Variants in PPIG observed in about 807,000 individuals in gnomAD.
PPIG encodes the protein peptidylprolyl isomerase G, also known as peptidyl-prolyl cis-trans isomerase G.
In PPIG, 26 loss-of-function variants were observed where a neutral mutation model predicts 87.9. That is an observed-to-expected ratio of 0.30 (90% CI 0.22 to 0.41). The LOEUF is 0.41. Ranked by LOEUF, PPIG falls within the 10% of genes least tolerant of loss-of-function variation. The pLI is 1.00. For missense variants in PPIG, 722 were observed against 879.4 expected (o/e 0.82, Z 2.26); for synonymous variants, 308 against 276.5 (o/e 1.11, Z -1.13).
At chr2:169,611,766 A>G (rs1685495085) in intron 7 of PPIG, among the ~76,000 whole-genome samples, 1 of 152,150 alleles carries the variant, frequency 6.6e-6, no homozygotes, top group Admixed American at 6.5e-5. Flanking sequence ...TCATATATAT[A>G]TTCTCAGAAT....
intron 9 of PPIG, among the ~76,000 whole-genome samples, chr2:169,624,071 A>G (rs1383025116): frequency 1.3e-5 from 2 of 152,108 alleles, no homozygotes; most frequent in African/African-American, 4.8e-5. Context: ...GGTTCAGTCA[A>G]TTCTCCCACC....
chr2:169,613,755 G>C (rs984286126), intron 7 of PPIG, among the ~76,000 whole-genome samples: 2 of 151,950 alleles, frequency 1.3e-5, no homozygotes, highest in Non-Finnish European at 2.9e-5. Flanking sequence ...AGTGAGACCT[G>C]TCTCTACAAA....
intron 4 of PPIG, among the ~76,000 whole-genome samples, chr2:169,605,050 T>G (rs553653496): frequency 2.6e-5 from 4 of 151,412 alleles, no homozygotes; most frequent in Non-Finnish European, 5.9e-5. Context: ...ATGCAAATAA[T>G]CGGCCAGGCG....
intron 6 of PPIG, 122 bp downstream of exon 6, chr2:169,607,270 A>C: frequency 1.8e-6 from 1 of 566,538 alleles, no homozygotes; most frequent in East Asian, 3.4e-5. Flanking sequence ...CCTTCAACTA[A>C]TCTGAAGGTT....
chr2:169,584,670 CA>C (rs948123564), intron 1 of PPIG, 180 bp downstream of exon 1: 1 of 361,564 alleles, frequency 2.8e-6, no homozygotes, highest in Non-Finnish European at 5.3e-6. Context: ...AGGACCGCAG[CA>C]GTGCCTTTGC....
chr2:169,613,440 C>T (rs1685541484), intron 7 of PPIG, among the ~76,000 whole-genome samples: 1 of 151,984 alleles, frequency 6.6e-6, no homozygotes, highest in Non-Finnish European at 1.5e-5. Context: ...AATAAAAAAT[C>T]TTATAAAATG....
intron 1 of PPIG, among the ~76,000 whole-genome samples, chr2:169,602,943 A>G (rs1685224931): frequency 6.6e-6 from 1 of 152,192 alleles, no homozygotes; most frequent in Admixed American, 6.6e-5. Context: ...TTTTGAAGCT[A>G]GAGCCAAATT....
chr2:169,604,135 G>C (rs1386913133), intron 3 of PPIG, 33 bp downstream of exon 3: 3 of 1,606,764 alleles, frequency 1.9e-6, no homozygotes, highest in South Asian at 1.1e-5. Flanking sequence ...ATAAATGGGT[G>C]TTTAATATTT....
At chr2:169,604,521 TTTCTC>T (rs1272499011) in intron 4 of PPIG, among the ~76,000 whole-genome samples, 1 of 151,970 alleles carries the variant, frequency 6.6e-6, no homozygotes, top group Non-Finnish European at 1.5e-5. Context: ...GCATATTACT[TTTCTC>T]TTAACATGAA....
At chr2:169,624,586 G>A (rs563911837) in intron 9 of PPIG, among the ~76,000 whole-genome samples, 1 of 151,986 alleles carries the variant, frequency 6.6e-6, no homozygotes, top group South Asian at 2.1e-4. Flanking sequence ...TAGGAAGTAG[G>A]GTTTTGTTTG....
intron 9 of PPIG, among the ~76,000 whole-genome samples, chr2:169,629,457 C>G (rs1685980299): frequency 6.6e-6 from 1 of 152,202 alleles, no homozygotes; most frequent in African/African-American, 2.4e-5. Context: ...AAATGAAGTT[C>G]AGACATTGAA....
intron 7 of PPIG, among the ~76,000 whole-genome samples, chr2:169,612,090 C>T (rs13417097): frequency 0.016 from 2,430 of 152,170 alleles, 68 homozygotes; most frequent in African/African-American, 0.056. Context: ...ATCCTACCGC[C>T]TCAGCCTCCC....
At chr2:169,592,146 A>G (rs1684881781) in intron 1 of PPIG, among the ~76,000 whole-genome samples, 1 of 148,990 alleles carries the variant, frequency 6.7e-6, no homozygotes, top group Non-Finnish European at 1.5e-5. Context: ...CAGGCTGGTC[A>G]TGGATATTTT....
At chr2:169,621,191 A>G (rs756434263) in intron 9 of PPIG, among the ~76,000 whole-genome samples, 13 of 152,124 alleles carry the variant, frequency 8.5e-5, no homozygotes, top group Non-Finnish European at 1.6e-4. Context: ...CCTTCTAGGT[A>G]CACTGATTTC....
At position 169,606,031 on chromosome 2, in the gene PPIG, C is replaced by T; in HGVS notation, c.137-8C>T. ...TCTATTAAATGTCCTATTTTTTTAT[C>T]TCTATAGGTGAAAAGGGGACCGGGA... On this transcript the variant is annotated splice_region_variant and splice_polypyrimidine_tract_variant and intron_variant, in intron 4 of 13. Transcript: ENST00000260970. 6.3e-7 allele frequency: 1 copy of T among 1,577,554 alleles called. No individual in the cohort carries two copies. Among genetic ancestry groups the T allele is most frequent in the Non-Finnish European group, 8.7e-7 (1 of 1,150,166 alleles).
At chr2:169,614,855 G>A in intron 9 of PPIG, 131 bp downstream of exon 9, 1 of 1,104,694 alleles carries the variant, frequency 9.1e-7, no homozygotes, top group Non-Finnish European at 1.2e-6. Flanking sequence ...ATGTATTTCT[G>A]TGCTTTTATT....
At chr2:169,589,503 C>G (rs1684801271) in intron 1 of PPIG, among the ~76,000 whole-genome samples, 1 of 152,096 alleles carries the variant, frequency 6.6e-6, no homozygotes, top group African/African-American at 2.4e-5. Flanking sequence ...TATTAAAGAT[C>G]TGCTATAGTT....
chr2:169,636,202 T>G lies in PPIG; in HGVS notation c.1128T>G (p.Ser376Arg). Reference protein sequence around the residue: ...MQRAQRMRVSSGERWIKGDKS... With the variant: ...MQRAQRMRVSRGERWIKGDKS... ...GAGCTCAAAGAATGAGGGTATCAAG[T>G]GGTGAAAGATGGATCAAGGGGGATA... The change falls in exon 13 of 14, where the codon AGT (serine) becomes AGG (arginine). Residue 376 changes from serine (S) to arginine (R), a missense_variant. By Grantham distance (110) the Ser-to-Arg change is moderately radical. Coordinates refer to ENST00000260970, the MANE Select transcript of PPIG (RefSeq NM_004792.3). 1.1e-5 allele frequency: 17 copies of G among 1,607,112 alleles called. No homozygotes were observed. Among genetic ancestry groups the G allele is most frequent in the Non-Finnish European group, 1.4e-5 (17 of 1,178,210 alleles).
intron 1 of PPIG, among the ~76,000 whole-genome samples, chr2:169,597,091 A>G (rs1467247693): frequency 6.6e-6 from 1 of 152,160 alleles, no homozygotes. Flanking sequence ...TAAACATAGG[A>G]GTGAAGATAT....
Sources: allele counts gnomAD v4.1 joint callset (sites outside exome capture counted in the v4.1 genomes callset), GRCh38; gene constraint gnomAD v4.1.1; transcripts MANE v1.5; gene names NCBI Gene and HGNC (gene_info 2026-07-23, HGNC 2026-07-21).